SUGCT: variants seen among roughly 807,000 people sequenced by gnomAD.
SUGCT encodes the protein succinyl-CoA:glutarate-CoA transferase, also known as succinyl-CoA:glutarate CoA-transferase.
Under a neutral mutation model 55.0 loss-of-function variants are expected in SUGCT, and 41 were observed. The ratio of observed to expected loss-of-function variants is 0.74; its 90% CI spans 0.58 to 0.97. The LOEUF (loss-of-function observed/expected upper bound fraction) is 0.97. Among genes scored for constraint, SUGCT ranks in the 50% least tolerant of loss-of-function variants. SUGCT has a pLI of 0.00. For synonymous variants in SUGCT, 187 were observed against 200.4 expected (o/e 0.93, Z 0.56); for missense variants, 568 against 547.8 (o/e 1.04, Z -0.37).
At chr7:40,415,912 A>G (rs1786974946) in intron 9 of SUGCT, among the ~76,000 whole-genome samples, 1 of 151,940 alleles carries the variant, frequency 6.6e-6, no homozygotes, top group South Asian at 2.1e-4. Context: ...TCAACTTACT[A>G]TTGTTTTTAT....
At chr7:40,139,574 G>A (rs1215068732) in intron 1 of SUGCT, among the ~76,000 whole-genome samples, 1 of 152,120 alleles carries the variant, frequency 6.6e-6, no homozygotes, top group Non-Finnish European at 1.5e-5. Flanking sequence ...TTGTTAATGG[G>A]ATTATTTGTT....
At chr7:40,369,013 A>G (rs1784152182) in intron 9 of SUGCT, among the ~76,000 whole-genome samples, 1 of 152,166 alleles carries the variant, frequency 6.6e-6, no homozygotes, top group South Asian at 2.1e-4. Flanking sequence ...CTGAGGCAGA[A>G]GAATAGCTTG....
chr7:40,624,248 C>T, intron 12 of SUGCT, among the ~76,000 whole-genome samples: 1 of 152,182 alleles, frequency 6.6e-6, no homozygotes, highest in South Asian at 2.1e-4. Flanking sequence ...GCTATCCTCT[C>T]CTCTTTCTCC....
At chr7:40,332,211 C>T (rs1423140917) in intron 9 of SUGCT, among the ~76,000 whole-genome samples, 1 of 152,138 alleles carries the variant, frequency 6.6e-6, no homozygotes, top group African/African-American at 2.4e-5. Context: ...AGAGATCTCT[C>T]ATCCTGAAAA....
chr7:40,534,179 C>T (rs76259016), intron 12 of SUGCT, among the ~76,000 whole-genome samples: 4,362 of 152,190 alleles, frequency 0.029, 217 homozygotes, highest in East Asian at 0.22. Context: ...TAGAGAAACT[C>T]TCTTTGAGAT....
At chr7:40,667,497 G>C (rs1801706818) in intron 12 of SUGCT, among the ~76,000 whole-genome samples, 1 of 151,980 alleles carries the variant, frequency 6.6e-6, no homozygotes, top group South Asian at 2.1e-4. Context: ...CGGTTTTCTG[G>C]AATAGTTTCA....
At chr7:40,468,104 G>A (rs187252698) in intron 11 of SUGCT, among the ~76,000 whole-genome samples, 240 of 151,528 alleles carry the variant, frequency 1.6e-3, no homozygotes, top group African/African-American at 5.4e-3. Flanking sequence ...TTGCACTTGT[G>A]TCTGTACTTT....
chr7:40,513,783 ATTT>A (rs869065628), intron 12 of SUGCT, among the ~76,000 whole-genome samples: 7 of 103,968 alleles, frequency 6.7e-5, no homozygotes, highest in South Asian at 3.2e-4. Flanking sequence ...TCAGGGAAGT[ATTT>A]TTTTTTTTTT....
chr7:40,928,558 G>A, the SUGCT span, among the ~76,000 whole-genome samples: 8 of 150,656 alleles, frequency 5.3e-5, no homozygotes, highest in Non-Finnish European at 1.0e-4. Context: ...CATTTTTAAT[G>A]TAAAGTATCC....
intron 13 of SUGCT, among the ~76,000 whole-genome samples, chr7:40,852,186 A>G (rs1027169116): frequency 1.3e-5 from 2 of 152,186 alleles, no homozygotes; most frequent in Non-Finnish European, 2.9e-5. Context: ...AATCTTCCCT[A>G]TCTGGTAAAT....
At chr7:40,240,139 A>G (rs1289928859) in intron 7 of SUGCT, among the ~76,000 whole-genome samples, 2 of 152,166 alleles carry the variant, frequency 1.3e-5, no homozygotes. Flanking sequence ...TTATGCTTCT[A>G]AAGATCTCCA....
chr7:40,695,437 A>T (rs1162224963), intron 12 of SUGCT, among the ~76,000 whole-genome samples: 1 of 152,022 alleles, frequency 6.6e-6, no homozygotes, highest in Admixed American at 6.6e-5. Flanking sequence ...GGCTCAAGTG[A>T]TCTGCCTGCC....
At chr7:40,894,885 C>T in the SUGCT span, among the ~76,000 whole-genome samples, 18 of 152,154 alleles carry the variant, frequency 1.2e-4, no homozygotes, top group African/African-American at 3.6e-4. Flanking sequence ...AGTTCGGCCA[C>T]GTAGAAAGCA....
the SUGCT span, among the ~76,000 whole-genome samples, chr7:41,031,208 T>C: frequency 6.6e-6 from 1 of 152,152 alleles, no homozygotes; most frequent in Non-Finnish European, 1.5e-5. Context: ...AAGAATTCTC[T>C]GTCTTCTATG....
At chr7:40,659,175 A>C (rs947605358) in intron 12 of SUGCT, among the ~76,000 whole-genome samples, 4 of 152,204 alleles carry the variant, frequency 2.6e-5, no homozygotes, top group African/African-American at 4.8e-5. Flanking sequence ...GCTTAACCGA[A>C]CAATGATACT....
At chr7:40,805,209 A>G (rs1345548695) in intron 13 of SUGCT, among the ~76,000 whole-genome samples, 1 of 152,170 alleles carries the variant, frequency 6.6e-6, no homozygotes, top group Non-Finnish European at 1.5e-5. Flanking sequence ...ATTGTCTCTA[A>G]AGGCACATGA....
chr7:40,193,096 A>G (rs1463019666), intron 5 of SUGCT, among the ~76,000 whole-genome samples: 1 of 149,200 alleles, frequency 6.7e-6, no homozygotes, highest in Non-Finnish European at 1.5e-5. Flanking sequence ...CCTCCTGTGT[A>G]GCTGGGACTA....
intron 9 of SUGCT, among the ~76,000 whole-genome samples, chr7:40,381,130 T>G (rs185884509): frequency 1.9e-4 from 29 of 152,218 alleles, no homozygotes; most frequent in African/African-American, 6.5e-4. Flanking sequence ...CTCTTTAGAT[T>G]CCTCAGTAGT....
At chr7:40,278,442 C>T (rs1445189134) in intron 8 of SUGCT, among the ~76,000 whole-genome samples, 1 of 152,156 alleles carries the variant, frequency 6.6e-6, no homozygotes, top group Non-Finnish European at 1.5e-5. Flanking sequence ...ACCCAAAGGA[C>T]TATAAATCAT....
Sources: gnomAD v4.1 joint callset for allele counts (sites outside exome capture counted in the v4.1 genomes callset) on GRCh38, gnomAD v4.1.1 for gene constraint, MANE v1.5 for transcripts, NCBI Gene and HGNC (gene_info 2026-07-23, HGNC 2026-07-21) for gene names.